B4GALNT3: variants seen among roughly 807,000 people sequenced by gnomAD.
B4GALNT3 encodes beta-1,4-N-acetylgalactosaminyltransferase 3.
Under a neutral mutation model 120.2 loss-of-function variants are expected in B4GALNT3, and 86 were observed. The ratio of observed to expected loss-of-function variants is 0.72; its 90% CI spans 0.60 to 0.86. The LOEUF (loss-of-function observed/expected upper bound fraction) is 0.86. Among genes scored for constraint, B4GALNT3 ranks in the 40% least tolerant of loss-of-function variants. The pLI is 0.00. For synonymous variants in B4GALNT3, 518 were observed against 510.4 expected (o/e 1.01, Z -0.20); for missense variants, 1,167 against 1,298.9 (o/e 0.90, Z 1.56).
chr12:561,789 A>C lies in B4GALNT3; in HGVS notation c.*338A>C. On this transcript the variant is annotated 3_prime_UTR_variant, in exon 20 of 20. Coordinates refer to ENST00000266383, the MANE Select transcript of B4GALNT3 (RefSeq NM_173593.4). Reference sequence around the variant, plus strand: ...CTCATCCATGAAGGTGCACGCCCACATCCCCCAAGCGCTCCTCACGCCAAG... The same window carrying C: ...CTCATCCATGAAGGTGCACGCCCACCTCCCCCAAGCGCTCCTCACGCCAAG... 1 of 233,384 alleles carries C rather than the reference A, an allele frequency of 4.3e-6. No homozygotes were observed. Among genetic ancestry groups the C allele is most frequent in the Non-Finnish European group, 8.5e-6 (1 of 117,880 alleles). The allele number at this position is 233,384 out of a possible 1,614,324, so 14.5% of individuals were successfully genotyped here. A position where few individuals can be genotyped will look rare whatever the true frequency, so the allele number is the denominator to read the frequency against.
chr12:478,427 C>T (rs1219071496), intron 1 of B4GALNT3, among the ~76,000 whole-genome samples: 2 of 152,042 alleles, frequency 1.3e-5, no homozygotes, highest in Non-Finnish European at 2.9e-5. Context: ...GGAAATACCA[C>T]CTGTCTGTTT....
intron 19 of B4GALNT3, 81 bp from the exon 20 acceptor site, chr12:561,262 G>A (rs1352220866): frequency 3.8e-6 from 4 of 1,049,832 alleles, no homozygotes; most frequent in Non-Finnish European, 5.8e-6. Context: ...GGAGCGAACA[G>A]AGGGTCTGTG....
intron 1 of B4GALNT3, among the ~76,000 whole-genome samples, chr12:493,997 C>G (rs1241529446): frequency 6.6e-6 from 1 of 152,188 alleles, no homozygotes; most frequent in African/African-American, 2.4e-5. Context: ...TGGCCAGGCA[C>G]AGTGGCTCAT....
intron 1 of B4GALNT3, among the ~76,000 whole-genome samples, chr12:507,075 T>C (rs1946504501): frequency 6.6e-6 from 1 of 152,244 alleles, no homozygotes; most frequent in Non-Finnish European, 1.5e-5. Context: ...CCCGGTACAT[T>C]TGTCATGATT....
chr12:495,699 G>A (rs1946381709), intron 1 of B4GALNT3, among the ~76,000 whole-genome samples: 2 of 152,106 alleles, frequency 1.3e-5, no homozygotes, highest in South Asian at 4.1e-4. Flanking sequence ...GACACTGGAT[G>A]GGTTAATGGT....
At chr12:475,951 G>A (rs907621338) in intron 1 of B4GALNT3, among the ~76,000 whole-genome samples, 6 of 152,310 alleles carry the variant, frequency 3.9e-5, no homozygotes, top group Non-Finnish European at 5.9e-5. Context: ...TGTTTCCTCC[G>A]TATGGACATG....
intron 1 of B4GALNT3, among the ~76,000 whole-genome samples, chr12:531,194 G>A (rs540062269): frequency 6.6e-6 from 1 of 151,396 alleles, no homozygotes; most frequent in East Asian, 2.0e-4. Context: ...CCAATGCACA[G>A]CACAGCGCCT....
chr12:535,084 T>A, intron 1 of B4GALNT3, 82 bp from the exon 2 acceptor site: 1 of 1,174,126 alleles, frequency 8.5e-7, no homozygotes, highest in Non-Finnish European at 1.2e-6. Flanking sequence ...GACGGTTCCC[T>A]CCATTAACCT....
intron 19 of B4GALNT3, among the ~76,000 whole-genome samples, chr12:560,345 A>G (rs1168276974): frequency 6.6e-6 from 1 of 152,132 alleles, no homozygotes; most frequent in East Asian, 1.9e-4. Context: ...CTGGGTCCCT[A>G]TACATGGCCG....
At chr12:515,250 A>G (rs1302855090) in intron 1 of B4GALNT3, among the ~76,000 whole-genome samples, 3 of 152,030 alleles carry the variant, frequency 2.0e-5, no homozygotes, top group African/African-American at 7.2e-5. Flanking sequence ...CAGTGGCGCA[A>G]TCTTGGCTTA....
chr12:536,287 C>T lies in B4GALNT3; in HGVS notation c.343C>T (p.Leu115Phe), dbSNP rs377035350. 4.2e-5 allele frequency: 68 copies of T among 1,612,902 alleles called. No individual in the cohort carries two copies. Among genetic ancestry groups the T allele is most frequent in the Non-Finnish European group, 5.7e-5 (67 of 1,178,974 alleles). The part of the protein sequence containing the change: ...YLKWNKPVPW[L>F]SEFRGRANLH... Reference sequence around the variant, plus strand: ...GAAGTGGAACAAGCCTGTCCCCTGGCTCTCAGAGGTGAGGGACTTTCTATT... The same window carrying T: ...GAAGTGGAACAAGCCTGTCCCCTGGTTCTCAGAGGTGAGGGACTTTCTATT... Residue 115 changes from leucine (L) to phenylalanine (F), a missense_variant, in exon 3 of 20, where the codon CTC becomes TTC. Leu to Phe is a conservative substitution (Grantham distance 22, BLOSUM62 0). This residue lies in a region of B4GALNT3 where 171 missense variants were observed against 161.3 expected (regional missense o/e 1.06). Transcript: ENST00000266383.
At chr12:469,626 G>A (rs970995725) in intron 1 of B4GALNT3, among the ~76,000 whole-genome samples, 4 of 152,010 alleles carry the variant, frequency 2.6e-5, no homozygotes, top group Non-Finnish European at 5.9e-5. Context: ...TATATTAGGG[G>A]TGGGGGCCAG....
At chr12:533,039 T>C (rs1946822789) in intron 1 of B4GALNT3, among the ~76,000 whole-genome samples, 1 of 152,172 alleles carries the variant, frequency 6.6e-6, no homozygotes, top group Non-Finnish European at 1.5e-5. Flanking sequence ...GTCATAAGAA[T>C]GAAGATGACC....
At chr12:470,760 A>G (rs1946128245) in intron 1 of B4GALNT3, among the ~76,000 whole-genome samples, 1 of 151,978 alleles carries the variant, frequency 6.6e-6, no homozygotes, top group Non-Finnish European at 1.5e-5. Context: ...TTGTTTTGAG[A>G]TGGAGTCTCG....
intron 1 of B4GALNT3, among the ~76,000 whole-genome samples, chr12:481,746 G>A (rs1407126475): frequency 6.6e-6 from 1 of 152,174 alleles, no homozygotes; most frequent in African/African-American, 2.4e-5. Context: ...CGCCCTGCAG[G>A]GAGCCCTGGA....
At chr12:531,273 G>A (rs1297657786) in intron 1 of B4GALNT3, among the ~76,000 whole-genome samples, 1 of 152,032 alleles carries the variant, frequency 6.6e-6, no homozygotes, top group Non-Finnish European at 1.5e-5. Context: ...GAGCAACACT[G>A]TGAAACAAAG....
chr12:518,508 C>T (rs1946677645), intron 1 of B4GALNT3, among the ~76,000 whole-genome samples: 1 of 152,146 alleles, frequency 6.6e-6, no homozygotes, highest in Non-Finnish European at 1.5e-5. Flanking sequence ...AACTCAGGGA[C>T]TCAAGCAGTC....
intron 1 of B4GALNT3, among the ~76,000 whole-genome samples, chr12:494,293 GAAA>G (rs11412767): frequency 1.4e-5 from 2 of 139,694 alleles, no homozygotes; most frequent in African/African-American, 2.7e-5. Context: ...TACCTTGAAA[GAAA>G]AAAAAAAAAA....
At position 548,091 on chromosome 12, in the gene B4GALNT3, G is replaced by A. The variant is rs747342036; in HGVS notation, c.775G>A (p.Val259Met). 21 of 1,613,788 alleles carry A rather than the reference G, an allele frequency of 1.3e-5. No individual in the cohort carries two copies. Among genetic ancestry groups the A allele is most frequent in the Admixed American group, 1.0e-4 (6 of 59,986 alleles). ...GCAGAATGAGGAGGGCACCGACCAC[G>A]TGGAAGTTGCAGTGAGTTTCCTGCT... The part of the protein sequence containing the change: ...HKQNEEGTDH[V>M]EVAWRRNDPG... The change falls in exon 8 of 20, where the codon GTG (valine) becomes ATG (methionine). Residue 259 changes from valine to methionine, a missense_variant. Val to Met is a conservative substitution (Grantham distance 21, BLOSUM62 1). Coordinates refer to ENST00000266383, the MANE Select transcript of B4GALNT3 (RefSeq NM_173593.4). This position sits in a 1 kb window ranked among gnomAD's most constrained non-coding sequence, Gnocchi z 4.9.
Sources: allele counts gnomAD v4.1 joint callset (sites outside exome capture counted in the v4.1 genomes callset), GRCh38; gene constraint gnomAD v4.1.1; regional missense constraint gnomAD v4.1.1; non-coding constraint Gnocchi (gnomAD v3.1); transcripts MANE v1.5; gene names NCBI Gene and HGNC (gene_info 2026-07-23, HGNC 2026-07-21).